FBXL4: variants seen among roughly 807,000 people sequenced by gnomAD.
FBXL4 encodes F-box and leucine rich repeat protein 4.
FBXL4 carries 40 observed loss-of-function variants against 58.9 expected under a neutral mutation model. That is an observed-to-expected ratio of 0.68 (90% CI 0.53 to 0.88). The LOEUF (loss-of-function observed/expected upper bound fraction) is 0.88. Ranked by LOEUF, FBXL4 falls within the 40% of genes least tolerant of loss-of-function variation. The pLI, the probability that FBXL4 is intolerant of heterozygous loss-of-function variation, is 0.00. For missense variants in FBXL4, 676 were observed against 734.4 expected, an observed-to-expected ratio of 0.92 and a Z score of 0.92; for synonymous variants, 263 against 265.5, an observed-to-expected ratio of 0.99 and a Z score of 0.09.
At chr6:98,921,478 A>G (rs1459006108) in intron 4 of FBXL4, among the ~76,000 whole-genome samples, 1 of 151,872 alleles carries the variant, frequency 6.6e-6, no homozygotes, top group African/African-American at 2.4e-5. Context: ...GTGAAGGAAT[A>G]ATAGGAAAAC....
intron 8 of FBXL4, among the ~76,000 whole-genome samples, chr6:98,876,361 T>C (rs1431479259): frequency 3.9e-5 from 6 of 152,228 alleles, no homozygotes; most frequent in Admixed American, 6.5e-5. Context: ...ATTTCAGTTA[T>C]TGGGCTTTAC....
intron 7 of FBXL4, among the ~76,000 whole-genome samples, chr6:98,886,946 T>C (rs1771059765): frequency 2.0e-5 from 3 of 152,144 alleles, no homozygotes; most frequent in Non-Finnish European, 2.9e-5. Context: ...AATCAGTTCT[T>C]TGAATTAAAA....
chr6:98,899,243 G>A (rs1684074494), intron 7 of FBXL4, 25 bp downstream of exon 7: 1 of 1,609,254 alleles, frequency 6.2e-7, no homozygotes, highest in African/African-American at 1.3e-5. Context: ...TAATAGCAAT[G>A]ATGAAAATTA....
intron 6 of FBXL4, among the ~76,000 whole-genome samples, chr6:98,903,653 A>T (rs1771696466): frequency 6.6e-6 from 1 of 152,142 alleles, no homozygotes; most frequent in South Asian, 2.1e-4. Flanking sequence ...TTTTCTTCTT[A>T]TAAGTGATGT....
intron 6 of FBXL4, among the ~76,000 whole-genome samples, chr6:98,900,698 A>T (rs912264503): frequency 6.6e-6 from 1 of 152,216 alleles, no homozygotes; most frequent in African/African-American, 2.4e-5. Flanking sequence ...AATCTTGGCC[A>T]ATTCACATTT....
chr6:98,916,936 G>A (rs1772381344), intron 5 of FBXL4, among the ~76,000 whole-genome samples: 1 of 150,892 alleles, frequency 6.6e-6, no homozygotes, highest in African/African-American at 2.4e-5. Context: ...GAAAAAAAAT[G>A]ACACTTAGAG....
At chr6:98,880,657 G>A in intron 7 of FBXL4, 33 bp from the exon 8 acceptor site, 1 of 1,577,138 alleles carries the variant, frequency 6.3e-7, no homozygotes. Flanking sequence ...AGGCAAATAT[G>A]GAAAGTGAAT....
At position 98,905,636 on chromosome 6, in the gene FBXL4, G is replaced by T; in HGVS notation, c.893C>A (p.Pro298Gln). 1 of 1,613,722 alleles carries T rather than the reference G, an allele frequency of 6.2e-7. No homozygotes were observed. Among genetic ancestry groups the T allele is most frequent in the South Asian group, 1.1e-5 (1 of 91,056 alleles). The part of the protein sequence containing the change: ...IQLILNHLTL[P>Q]DLCRLAQTCK... ...AGTCTGTGCTAATCTACACAGGTCT[G>T]GTAGTGTAAGATGATTCAGAATCAG... Residue 298 changes from proline to glutamine, a missense_variant, in exon 6 of 10, where the codon CCA becomes CAA. By Grantham distance (76) the Pro-to-Gln change is moderately conservative (BLOSUM62 -1). Coordinates refer to ENST00000369244, the MANE Select transcript of FBXL4 (RefSeq NM_001278716.2).
chr6:98,932,271 G>A (rs1773041346), intron 2 of FBXL4, among the ~76,000 whole-genome samples: 1 of 152,174 alleles, frequency 6.6e-6, no homozygotes, highest in Admixed American at 6.5e-5. Flanking sequence ...ACTATGAAGT[G>A]AGAAATTCTC....
At chr6:98,902,151 T>C (rs1264013704) in intron 6 of FBXL4, among the ~76,000 whole-genome samples, 1 of 152,164 alleles carries the variant, frequency 6.6e-6, no homozygotes, top group African/African-American at 2.4e-5. Context: ...GTAATAGTCC[T>C]CAGAAATTGC....
At chr6:98,878,098 G>A (rs1770718759) in intron 8 of FBXL4, among the ~76,000 whole-genome samples, 1 of 152,154 alleles carries the variant, frequency 6.6e-6, no homozygotes, top group Non-Finnish European at 1.5e-5. Context: ...ACTCACTACA[G>A]AGAAAGTATG....
At chr6:98,901,375 G>A (rs528026233) in intron 6 of FBXL4, among the ~76,000 whole-genome samples, 3 of 152,106 alleles carry the variant, frequency 2.0e-5, no homozygotes, top group South Asian at 2.1e-4. Context: ...TGCAGGAGGC[G>A]CAAAATGATG....
intron 6 of FBXL4, among the ~76,000 whole-genome samples, chr6:98,902,508 A>C (rs906258608): frequency 9.9e-5 from 15 of 152,278 alleles, no homozygotes; most frequent in Middle Eastern, 6.8e-3. Flanking sequence ...TAAGCTCTTT[A>C]TACCATAAAA....
intron 5 of FBXL4, among the ~76,000 whole-genome samples, chr6:98,915,780 A>T (rs1339923217): frequency 6.6e-6 from 1 of 152,146 alleles, no homozygotes; most frequent in Non-Finnish European, 1.5e-5. Flanking sequence ...CATGTCTAAA[A>T]CACCAAAAGC....
intron 2 of FBXL4, among the ~76,000 whole-genome samples, chr6:98,929,043 T>G (rs1772900565): frequency 6.6e-6 from 1 of 152,212 alleles, no homozygotes; most frequent in Non-Finnish European, 1.5e-5. Flanking sequence ...AGATCTTTAT[T>G]TCTCAAAGTA....
At chr6:98,899,139 C>T in intron 7 of FBXL4, 129 bp downstream of exon 7, 1 of 1,446,328 alleles carries the variant, frequency 6.9e-7, no homozygotes, top group South Asian at 1.6e-5. Context: ...CTATTGATTT[C>T]AGAGTAGTCA....
At chr6:98,918,393 T>C (rs1433351948) in intron 4 of FBXL4, among the ~76,000 whole-genome samples, 1 of 152,156 alleles carries the variant, frequency 6.6e-6, no homozygotes, top group Non-Finnish European at 1.5e-5. Context: ...TAATCATTAT[T>C]TTCCATGCAA....
At chr6:98,912,497 C>G (rs1193385827) in intron 5 of FBXL4, among the ~76,000 whole-genome samples, 1 of 152,130 alleles carries the variant, frequency 6.6e-6, no homozygotes, top group Non-Finnish European at 1.5e-5. Flanking sequence ...ACTCTACAAG[C>G]CAGAAGAGAG....
intron 8 of FBXL4, among the ~76,000 whole-genome samples, chr6:98,880,330 C>T (rs993457020): frequency 7.9e-5 from 12 of 152,246 alleles, no homozygotes; most frequent in African/African-American, 2.6e-4. Flanking sequence ...TATTCCACCA[C>T]ACTATACTTC....
Sources: gnomAD v4.1 joint callset for allele counts (sites outside exome capture counted in the v4.1 genomes callset) on GRCh38, gnomAD v4.1.1 for gene constraint, MANE v1.5 for transcripts, NCBI Gene and HGNC (gene_info 2026-07-23, HGNC 2026-07-21) for gene names.